The following FHIT variants were observed in gnomAD, a reference collection of about 807,000 sequenced individuals.
FHIT encodes bis(5'-adenosyl)-triphosphatase.
FHIT carries 19 observed loss-of-function variants against 17.9 expected under a neutral mutation model. The observed-to-expected ratio is 1.06, with a 90% CI of 0.74 to 1.56. FHIT has a LOEUF of 1.56. Ranked by LOEUF, FHIT falls within the 40% of genes most tolerant of loss-of-function variation. FHIT has a pLI of 0.00. For synonymous variants in FHIT, 81 were observed against 69.7 expected, an observed-to-expected ratio of 1.16 and a Z score of -0.81; for missense variants, 248 against 189.2, an observed-to-expected ratio of 1.31 and a Z score of -1.82.
Position 59,885,866 on chromosome 3 carries a change from G to A in FHIT, c.348+36480C>T, listed in dbSNP as rs561483192. Among the ~76,000 whole-genome samples the A allele has an allele frequency of 1.4e-3, 215 of 152,294 alleles. 3 individuals are homozygous for A. The highest frequency in any genetic ancestry group is 5.5e-3 in the Admixed American group (84 of 15,288). ...ATGAACTCGCACATACTCAGGGTGA[G>A]TAAAACTAGCAGGCAGGCAGGCCTC... On this transcript the variant is annotated intron_variant, in intron 8 of 9. Transcript: ENST00000492590.
intron 8 of FHIT, among the ~76,000 whole-genome samples, chr3:59,921,264 T>C (rs1449593079): frequency 6.6e-6 from 1 of 152,196 alleles, no homozygotes; most frequent in African/African-American, 2.4e-5. Context: ...GAGTTGCTGT[T>C]TTAATTTCAT....
chr3:60,306,296 A>G (rs1169030679), intron 5 of FHIT, among the ~76,000 whole-genome samples: 4 of 152,192 alleles, frequency 2.6e-5, no homozygotes, highest in African/African-American at 4.8e-5. Context: ...AATTAAAAAC[A>G]TATCTCCCCT....
chr3:60,927,497 A>AGGAG (rs1313962482), intron 3 of FHIT, among the ~76,000 whole-genome samples: 1 of 150,482 alleles, frequency 6.6e-6, no homozygotes, highest in Non-Finnish European at 1.5e-5. Context: ...CTGGGAAGTG[A>AGGAG]GGAGCACCTC....
intron 5 of FHIT, among the ~76,000 whole-genome samples, chr3:60,399,043 T>G (rs536319826): frequency 1.3e-5 from 2 of 152,308 alleles, no homozygotes; most frequent in South Asian, 2.1e-4. Context: ...AACCTATTTT[T>G]GGGCCAGATA....
intron 5 of FHIT, among the ~76,000 whole-genome samples, chr3:60,102,504 G>A (rs1443386078): frequency 6.6e-6 from 1 of 152,002 alleles, no homozygotes; most frequent in African/African-American, 2.4e-5. Context: ...ATGGTTCTAA[G>A]ACAGCCTCCA....
At chr3:60,225,432 G>A (rs1411885119) in intron 5 of FHIT, among the ~76,000 whole-genome samples, 1 of 152,190 alleles carries the variant, frequency 6.6e-6, no homozygotes, top group Non-Finnish European at 1.5e-5. Flanking sequence ...CTGGAGAACA[G>A]GAGAAAGTTT....
intron 5 of FHIT, among the ~76,000 whole-genome samples, chr3:60,394,824 T>G (rs1017993125): frequency 2.6e-5 from 4 of 152,110 alleles, no homozygotes; most frequent in African/African-American, 9.7e-5. Context: ...CTTAAAAAAC[T>G]GCATTAAGTC....
At chr3:60,987,241 TAAACTGGCCCCA>T (rs773435951) in intron 3 of FHIT, among the ~76,000 whole-genome samples, 37 of 152,162 alleles carry the variant, frequency 2.4e-4, no homozygotes, top group Non-Finnish European at 3.8e-4. Context: ...AATCTGGCCA[TAAACTGGCCCCA>T]AAACTGGCCA....
rs537964610 is a variant in FHIT at position 61,123,749 on chromosome 3, G to T, written c.-164+76868C>A. ...AAATGTTCAGCAACTGGGTGGTGGG[G>T]GTGTTCTAATTGTAGTGTTTGCCAA... On this transcript the variant is annotated intron_variant, in intron 2 of 9. Coordinates refer to ENST00000492590, the MANE Select transcript of FHIT (RefSeq NM_002012.4). Among the ~76,000 whole-genome samples, 4 of 152,110 alleles carry T rather than the reference G, an allele frequency of 2.6e-5. No homozygotes were observed. The South Asian group carries it at 6.2e-4, about 24-fold the overall frequency.
At chr3:59,878,769 T>A (rs929472093) in intron 8 of FHIT, among the ~76,000 whole-genome samples, 1 of 152,188 alleles carries the variant, frequency 6.6e-6, no homozygotes, top group African/African-American at 2.4e-5. Flanking sequence ...AGAACATTCA[T>A]TACTCGATAT....
intron 4 of FHIT, among the ~76,000 whole-genome samples, chr3:60,714,288 A>T (rs2107944938): frequency 6.6e-6 from 1 of 152,232 alleles, no homozygotes; most frequent in South Asian, 2.1e-4. Flanking sequence ...ATATCTCAAA[A>T]TAATAAGAGC....
At chr3:60,247,867 C>G (rs749294414) in intron 5 of FHIT, among the ~76,000 whole-genome samples, 1 of 152,150 alleles carries the variant, frequency 6.6e-6, no homozygotes, top group Admixed American at 6.6e-5. Flanking sequence ...GCTTAGCACA[C>G]AGTAAAGACT....
chr3:60,341,205 G>A (rs533317176), intron 5 of FHIT, among the ~76,000 whole-genome samples: 1 of 152,202 alleles, frequency 6.6e-6, no homozygotes, highest in East Asian at 1.9e-4. Context: ...GTGTTGTTTT[G>A]AGCTGGATAT....
At chr3:60,828,182 C>T (rs1410006591) in intron 3 of FHIT, among the ~76,000 whole-genome samples, 1 of 152,088 alleles carries the variant, frequency 6.6e-6, no homozygotes, top group Non-Finnish European at 1.5e-5. Context: ...ATGTAAAGAA[C>T]CTGGCACATG....
Position 60,571,425 on chromosome 3 carries a change from A to G in FHIT, c.-17-34446T>C, listed in dbSNP as rs908654281. On this transcript the variant is annotated intron_variant, in intron 4 of 9. Coordinates refer to ENST00000492590, the MANE Select transcript of FHIT (RefSeq NM_002012.4). ...GAAAAAAAATTGCCATCCAGGGGAA[A>G]AAGATTAATTAATATCAATTAATTT... Among the ~76,000 whole-genome samples the G allele has an allele frequency of 3.3e-5, 5 of 150,906 alleles. No homozygotes were observed. The South Asian group carries it at 1.1e-3, about 32-fold the overall frequency.
At chr3:60,350,134 T>G (rs992488112) in intron 5 of FHIT, among the ~76,000 whole-genome samples, 13 of 151,548 alleles carry the variant, frequency 8.6e-5, no homozygotes, top group Non-Finnish European at 1.9e-4. Flanking sequence ...ACATCAGGAG[T>G]GAAAGGATCA....
intron 3 of FHIT, among the ~76,000 whole-genome samples, chr3:60,958,503 A>T (rs1379759509): frequency 6.6e-6 from 1 of 152,246 alleles, no homozygotes; most frequent in Non-Finnish European, 1.5e-5. Context: ...GCAATTATTA[A>T]AGGTTACACT....
chr3:60,435,066 T>C (rs2030089425), intron 5 of FHIT, among the ~76,000 whole-genome samples: 1 of 152,150 alleles, frequency 6.6e-6, no homozygotes, highest in Non-Finnish European at 1.5e-5. Context: ...CCACCCCTTA[T>C]CAGCCACTTC....
chr3:59,784,700 G>A (rs963849659), intron 8 of FHIT, among the ~76,000 whole-genome samples: 5 of 152,070 alleles, frequency 3.3e-5, no homozygotes, highest in Non-Finnish European at 7.4e-5. Flanking sequence ...AAGTCAGTTC[G>A]GTGCTCCTTT....
Sources: gnomAD v4.1 joint callset for allele counts (sites outside exome capture counted in the v4.1 genomes callset) on GRCh38, gnomAD v4.1.1 for gene constraint, MANE v1.5 for transcripts, NCBI Gene and HGNC (gene_info 2026-07-23, HGNC 2026-07-21) for gene names.